The following SNRNP35 variants were observed in gnomAD, a reference collection of about 807,000 sequenced individuals.
The protein encoded by SNRNP35 is U11/U12 small nuclear ribonucleoprotein 35 kDa protein.
In SNRNP35, 16 loss-of-function variants were observed where a neutral mutation model predicts 24.3. The observed-to-expected ratio is 0.66, with a 90% confidence interval of 0.45 to 1.00. SNRNP35 has a LOEUF of 1.00. SNRNP35 is among the 50% of genes least tolerant of loss of function. The pLI, the probability that SNRNP35 is intolerant of heterozygous loss-of-function variation, is 0.00. For missense variants in SNRNP35, 292 were observed against 327.2 expected (o/e 0.89, Z 0.83); for synonymous variants, 106 against 124.8 (o/e 0.85, Z 1.00).
At position 123,466,281 on chromosome 12, in the gene SNRNP35, G is replaced by A. The variant is rs148575085; in HGVS notation, c.741G>A (p.Ter247=). ...KGREKKERGK[*] is the part of the protein sequence containing the mutation. ...GGGAGAAGAAGGAAAGAGGCAAGTA[G>A]AGGCCCAACAGCAGAACCCCAAAGT... The change falls in exon 2 of 2, where the codon TAG becomes TAA. Residue 247 remains the stop codon, a stop_retained_variant. Coordinates refer to ENST00000526639, the MANE Select transcript of SNRNP35 (RefSeq NM_022717.4). 1.8e-5 allele frequency: 27 copies of A among 1,517,208 alleles called. No homozygotes were observed. In the African/African-American group the frequency reaches 2.6e-4, roughly 15 times the overall value. The allele number at this position is 1,517,208 out of a possible 1,614,324, so 94.0% of individuals were successfully genotyped here. A position where few individuals can be genotyped will look rare whatever the true frequency, so the allele number is the denominator to read the frequency against.
At chr12:123,462,213 C>T (rs984967900) in intron 1 of SNRNP35, among the ~76,000 whole-genome samples, 2 of 152,126 alleles carry the variant, frequency 1.3e-5, no homozygotes, top group Non-Finnish European at 2.9e-5. Flanking sequence ...CTGGACTTGA[C>T]AGGCCCAGTA....
At chr12:123,458,278 G>T in intron 1 of SNRNP35, 62 bp downstream of exon 1, 1 of 966,746 alleles carries the variant, frequency 1.0e-6, no homozygotes. Context: ...AGGGAGTGCG[G>T]CCCAGACGCT....
chr12:123,461,280 T>TA (rs1419424055), intron 1 of SNRNP35, among the ~76,000 whole-genome samples: 1 of 70,652 alleles, frequency 1.4e-5, no homozygotes, highest in Non-Finnish European at 2.7e-5. Context: ...TACGCCTGGC[T>TA]AATTTTTTTT....
downstream of SNRNP35, among the ~76,000 whole-genome samples, chr12:123,468,220 G>A (rs142290482): frequency 1.0e-3 from 154 of 151,972 alleles, no homozygotes; most frequent in African/African-American, 3.6e-3. Context: ...TTAACTGGGC[G>A]TGGTGGCAGG....
intron 1 of SNRNP35, chr12:123,459,902 T>C: frequency 6.4e-7 from 1 of 1,561,860 alleles, no homozygotes; most frequent in Non-Finnish European, 8.8e-7. Flanking sequence ...AAACCAGCTG[T>C]TAGTATCTAT....
chr12:123,471,424 G>C (rs566648283), downstream of SNRNP35: 1 of 152,320 alleles, frequency 6.6e-6, no homozygotes, highest in East Asian at 1.9e-4. Flanking sequence ...ACGCGGCCCT[G>C]ATAAACTTGA....
rs1880990968 is a variant in SNRNP35, at chr12:123,466,488, A to G, written c.*207A>G. 6.2e-6 allele frequency: 3 copies of G among 487,146 alleles called. No individual in the cohort carries two copies. The South Asian group carries it at 1.7e-4, about 28-fold the overall frequency. 30.2% of individuals were successfully genotyped at this position (487,146 alleles called of 1,614,324 possible). On this transcript the variant is annotated 3_prime_UTR_variant, in exon 2 of 2. Coordinates refer to ENST00000526639, the MANE Select transcript of SNRNP35 (RefSeq NM_022717.4). ...CATAGTTCTAAGGACATGTTATTTA[A>G]CAGGATCAAGAAGCAATTTTGTAGT... is the stretch of plus-strand genomic sequence containing the variant.
downstream of SNRNP35, chr12:123,471,902 A>G (rs1214504586): frequency 1.3e-5 from 2 of 153,308 alleles, no homozygotes; most frequent in East Asian, 3.8e-4. Flanking sequence ...ACATTGCTAC[A>G]TGCTCTAGGC....
chr12:123,468,248 A>G (rs1181612870), downstream of SNRNP35, among the ~76,000 whole-genome samples: 1 of 150,890 alleles, frequency 6.6e-6, no homozygotes, highest in African/African-American at 2.4e-5. Context: ...AATCCCAGCT[A>G]CTCAGGAGGT....
chr12:123,466,184 A>C lies in SNRNP35; in HGVS notation c.644A>C (p.Glu215Ala). The C allele has an allele frequency of 6.2e-7, 1 of 1,602,902 alleles. No homozygotes were observed. Among genetic ancestry groups the C allele is most frequent in the East Asian group, 2.2e-5 (1 of 44,790 alleles). Residue 215 changes from glutamate (E) to alanine (A), a missense_variant, in exon 2 of 2, where the codon GAG becomes GCG. By Grantham distance (107) the Glu-to-Ala change is moderately radical. Transcript: ENST00000526639. ...CGGGAGAAGAGATGGCAAGAAAGAG[A>C]GCCGACCAGGGTGTGGCCCGACAAT... ...RGREKRWQEREPTRVWPDNDW... is the reference protein window; with the variant it reads ...RGREKRWQERAPTRVWPDNDW...
downstream of SNRNP35, among the ~76,000 whole-genome samples, chr12:123,467,175 G>C (rs1232263671): frequency 6.6e-6 from 1 of 152,218 alleles, no homozygotes; most frequent in East Asian, 1.9e-4. Context: ...GGATAGAAAA[G>C]TGAATTCAAG....
At chr12:123,468,034 A>G (rs901143479), downstream of SNRNP35, among the ~76,000 whole-genome samples, 1 of 152,090 alleles carries the variant, frequency 6.6e-6, no homozygotes, top group African/African-American at 2.4e-5. Context: ...GTAGTTGTCA[A>G]CTCTGAGCAT....
intron 1 of SNRNP35, among the ~76,000 whole-genome samples, chr12:123,460,877 C>G (rs985788813): frequency 1.3e-5 from 2 of 151,312 alleles, no homozygotes; most frequent in African/African-American, 2.4e-5. Context: ...AGGCTAGTCT[C>G]GAACTCCCGA....
intron 1 of SNRNP35, among the ~76,000 whole-genome samples, chr12:123,460,443 T>C (rs1337732427): frequency 6.6e-6 from 1 of 151,626 alleles, no homozygotes; most frequent in East Asian, 1.9e-4. Context: ...ACCTAAGTCC[T>C]GGTATTGTTG....
At chr12:123,459,898 G>A in intron 1 of SNRNP35, 1 of 1,580,762 alleles carries the variant, frequency 6.3e-7, no homozygotes, top group Admixed American at 1.7e-5. Context: ...AATGAAACCA[G>A]CTGTTAGTAT....
chr12:123,458,336 C>A, intron 1 of SNRNP35, 120 bp downstream of exon 1: 1 of 603,088 alleles, frequency 1.7e-6, no homozygotes, highest in Non-Finnish European at 2.1e-6. Flanking sequence ...GCAAAGGGGA[C>A]GACATTCTGG....
chr12:123,466,448 T>C lies in SNRNP35; in HGVS notation c.*167T>C, dbSNP rs185115887. Reference sequence around the variant, plus strand: ...AACTTCGGTTCAAGCTGATAGGAATTTATCATCTTCCTCACATAGTTCTAA... The same window carrying C: ...AACTTCGGTTCAAGCTGATAGGAATCTATCATCTTCCTCACATAGTTCTAA... On this transcript the variant is annotated 3_prime_UTR_variant, in exon 2 of 2. Transcript: ENST00000526639. The C allele has an allele frequency of 1.1e-5, 7 of 654,730 alleles. No individual in the cohort carries two copies. The African/African-American group carries it at 1.3e-4, about 12-fold the overall frequency. 40.6% of individuals were successfully genotyped at this position (654,730 alleles called of 1,614,324 possible). A position where few individuals can be genotyped will look rare whatever the true frequency, so the allele number is the denominator to read the frequency against.
intron 1 of SNRNP35, among the ~76,000 whole-genome samples, chr12:123,460,148 C>T (rs1056877883): frequency 6.6e-6 from 1 of 152,050 alleles, no homozygotes; most frequent in Non-Finnish European, 1.5e-5. Context: ...GACTTTTTAA[C>T]GTTGAATGGG....
chr12:123,472,630 C>T lies in SNRNP35; in HGVS notation n.1637C>T, dbSNP rs763105415. On this transcript the variant is annotated non_coding_transcript_exon_variant, in exon 2 of 2. Transcript: ENST00000527158. ...TGTCCAAAGGACTCCTGGATGTGCA[C>T]GTTTCTCTGTGTGTTGGCCAGGCGC... is the stretch of plus-strand genomic sequence containing the variant. 1.0e-5 allele frequency: 16 copies of T among 1,593,226 alleles called. No homozygotes were observed. Among genetic ancestry groups the T allele is most frequent in the South Asian group, 3.4e-5 (3 of 87,494 alleles).
Sources: allele counts gnomAD v4.1 joint callset (sites outside exome capture counted in the v4.1 genomes callset), GRCh38; gene constraint gnomAD v4.1.1; transcripts MANE v1.5; gene names NCBI Gene and HGNC (gene_info 2026-07-23, HGNC 2026-07-21).